KLF8: variants seen among roughly 807,000 people sequenced by gnomAD.
KLF8 encodes the protein KLF transcription factor 8, also known as Krueppel-like factor 8.
A neutral mutation model predicts 18.2 loss-of-function variants in KLF8; 10 were observed. That is an observed-to-expected ratio of 0.55 (90% CI 0.34 to 0.93). KLF8 has a LOEUF of 0.93. Among genes scored for constraint, KLF8 ranks in the 40% least tolerant of loss-of-function variants. The pLI is 0.02. For missense variants in KLF8, 264 were observed against 277.9 expected (o/e 0.95, Z 0.36); for synonymous variants, 109 against 97.3 (o/e 1.12, Z -0.71).
chrX:55,984,243 A>G, the KLF8 span, among the ~76,000 whole-genome samples: 3 of 110,538 alleles, frequency 2.7e-5, no homozygotes, highest in African/African-American at 3.3e-5. Flanking sequence ...TATTAAGCCC[A>G]GCATCCATTT....
At chrX:56,064,403 G>A in the KLF8 span, among the ~76,000 whole-genome samples, 3 of 107,932 alleles carry the variant, frequency 2.8e-5, no homozygotes, top group African/African-American at 1.0e-4. Flanking sequence ...TACTAGATAC[G>A]CATTTACATG....
At chrX:56,190,299 G>A in the KLF8 span, among the ~76,000 whole-genome samples, 7 of 110,600 alleles carry the variant, frequency 6.3e-5, no homozygotes, top group South Asian at 7.6e-4. Flanking sequence ...GTAAATATAT[G>A]AGTCCAACAC....
At chrX:56,096,487 A>C in the KLF8 span, among the ~76,000 whole-genome samples, 5 of 111,810 alleles carry the variant, frequency 4.5e-5, no homozygotes, top group Admixed American at 4.8e-4. Context: ...CATGTTTAAA[A>C]TAAAATGAAA....
At chrX:56,079,250 G>C in the KLF8 span, among the ~76,000 whole-genome samples, 1 of 110,959 alleles carries the variant, frequency 9.0e-6, no homozygotes, top group Non-Finnish European at 1.9e-5. Context: ...GTCAATTTTG[G>C]ATCTTCCCTG....
At chrX:56,265,019 C>T (rs1261141674) in intron 2 of KLF8, among the ~76,000 whole-genome samples, 161 bp from the exon 3 acceptor site, 3 of 111,520 alleles carry the variant, frequency 2.7e-5, no homozygotes, top group African/African-American at 9.8e-5. Flanking sequence ...AGTAAAGTTT[C>T]CCGTCTGTTT....
chrX:56,193,329 G>A, the KLF8 span, among the ~76,000 whole-genome samples: 4 of 111,943 alleles, frequency 3.6e-5, no homozygotes, highest in Admixed American at 2.9e-4. Context: ...ACAAATGTTG[G>A]CAAAGACGCA....
the KLF8 span, among the ~76,000 whole-genome samples, chrX:56,031,653 G>A: frequency 8.9e-6 from 1 of 111,814 alleles, no homozygotes; most frequent in Non-Finnish European, 1.9e-5. Context: ...GCAGGCCTAA[G>A]CTGCCTAAGG....
the KLF8 span, among the ~76,000 whole-genome samples, chrX:56,049,329 A>G: frequency 3.6e-5 from 4 of 111,677 alleles, no homozygotes; most frequent in African/African-American, 1.3e-4. Context: ...GAGAGAAGGC[A>G]TCCCTGTCTT....
chrX:56,190,015 T>TATA, the KLF8 span, among the ~76,000 whole-genome samples: 7 of 109,168 alleles, frequency 6.4e-5, no homozygotes, highest in African/African-American at 2.3e-4. Context: ...AAACTTAAAG[T>TATA]ATAATAATAA....
rs745444723 is a variant in KLF8, at chrX:56,251,670, C to T, written c.81+1366C>T. ...TAGGGACAGGGTTTCACCATATTGG[C>T]TAGGCTGGTCTCGAACTCCTGACCT... On this transcript the variant is annotated intron_variant, in intron 2 of 5. Transcript: ENST00000468660. Among the ~76,000 whole-genome samples, 6 of 110,373 alleles carry T rather than the reference C, an allele frequency of 5.4e-5. No individual in the cohort carries two copies. In the South Asian group the frequency reaches 2.0e-3, roughly 36 times the overall value.
At chrX:56,168,422 A>C in the KLF8 span, among the ~76,000 whole-genome samples, 3 of 112,674 alleles carry the variant, frequency 2.7e-5, no homozygotes, top group Non-Finnish European at 5.6e-5. Flanking sequence ...AGATGGAAAG[A>C]TATCCCATGT....
chrX:55,962,275 A>G, the KLF8 span: 1 of 184,177 alleles, frequency 5.4e-6, no homozygotes, highest in Non-Finnish European at 1.1e-5. Context: ...TCTCCAACCT[A>G]AAGAAGGAGG....
the KLF8 span, among the ~76,000 whole-genome samples, chrX:56,161,454 G>A: frequency 2.7e-5 from 3 of 111,754 alleles, no homozygotes; most frequent in Admixed American, 9.5e-5. Context: ...TTTGTTGGAA[G>A]CTTTGTTCAT....
chrX:56,071,407 G>T, the KLF8 span, among the ~76,000 whole-genome samples: 1 of 111,290 alleles, frequency 9.0e-6, no homozygotes, highest in South Asian at 3.8e-4. Context: ...CAAAATAATA[G>T]AAGGAATATA....
At chrX:56,159,317 A>G in the KLF8 span, among the ~76,000 whole-genome samples, 1 of 112,023 alleles carries the variant, frequency 8.9e-6, no homozygotes, top group African/African-American at 3.2e-5. Flanking sequence ...TTTAGCATCG[A>G]TGTTCATCAG....
At chrX:56,060,791 C>G in the KLF8 span, among the ~76,000 whole-genome samples, 1 of 111,747 alleles carries the variant, frequency 8.9e-6, no homozygotes, top group Admixed American at 9.5e-5. Flanking sequence ...CTTTGTACCT[C>G]TGGTAGAATT....
At chrX:55,950,541 T>C in the KLF8 span, among the ~76,000 whole-genome samples, 1 of 111,443 alleles carries the variant, frequency 9.0e-6, no homozygotes, top group Non-Finnish European at 1.9e-5. Flanking sequence ...CTTAAATCAT[T>C]GGGGGCTGTT....
At chrX:56,047,594 CTCA>C in the KLF8 span, among the ~76,000 whole-genome samples, 7 of 111,041 alleles carry the variant, frequency 6.3e-5, no homozygotes, top group East Asian at 2.0e-3. Flanking sequence ...AGGACATGAA[CTCA>C]TCATTTTTTA....
Position 56,289,275 on chromosome X carries a change from G to T in KLF8, c.*4781G>T, listed in dbSNP as rs1360921807. ...CACCCCCATCATTTTTTTTTAGCAC[G>T]TCCTTACTTTCTGCCACTGCAAGAT... On this transcript the variant is annotated 3_prime_UTR_variant, in exon 6 of 6. Coordinates refer to ENST00000468660, the MANE Select transcript of KLF8 (RefSeq NM_007250.5). 9.1e-5 allele frequency among the ~76,000 whole-genome samples: 10 copies of T among 110,114 alleles called. No individual in the cohort carries two copies. The highest frequency in any genetic ancestry group is 3.3e-4 in the African/African-American group (10 of 30,328).
Sources: gnomAD v4.1 joint callset for allele counts (sites outside exome capture counted in the v4.1 genomes callset) on GRCh38, gnomAD v4.1.1 for gene constraint, MANE v1.5 for transcripts, NCBI Gene and HGNC (gene_info 2026-07-23, HGNC 2026-07-21) for gene names.